GRM3: variants seen among roughly 807,000 people sequenced by gnomAD.
The protein encoded by GRM3 is glutamate metabotropic receptor 3, also known as metabotropic glutamate receptor 3.
Under a neutral mutation model 70.5 loss-of-function variants are expected in GRM3, and 26 were observed. The ratio of observed to expected loss-of-function variants is 0.37; its 90% confidence interval spans 0.27 to 0.51. GRM3 has a LOEUF of 0.51. Among genes scored for constraint, GRM3 ranks in the 20% least tolerant of loss-of-function variants. GRM3 has a pLI of 0.93. For missense variants in GRM3, 859 were observed against 1,123.8 expected, an observed-to-expected ratio of 0.76 and a Z score of 3.37; for synonymous variants, 443 against 434.9, an observed-to-expected ratio of 1.02 and a Z score of -0.23.
chr7:86,840,515 A>ATATGT (rs1217401954), intron 4 of GRM3, among the ~76,000 whole-genome samples: 6 of 152,126 alleles, frequency 3.9e-5, no homozygotes, highest in Non-Finnish European at 7.4e-5. Flanking sequence ...ATATCCAGGT[A>ATATGT]ACCTAATTAA....
chr7:86,774,638 C>T (rs531960251), intron 2 of GRM3, among the ~76,000 whole-genome samples: 141 of 152,102 alleles, frequency 9.3e-4, no homozygotes, highest in African/African-American at 3.2e-3. Context: ...GTCAGAATGG[C>T]AAAGCATCTT....
chr7:86,774,682 GT>G (rs1437406381), intron 2 of GRM3, among the ~76,000 whole-genome samples: 13 of 84,692 alleles, frequency 1.5e-4, no homozygotes, highest in African/African-American at 5.9e-4. Context: ...GGGTTGAATT[GT>G]CAGTGTGTTT....
Position 86,786,362 on chromosome 7 carries a change from C to G in GRM3, c.570C>G (p.Thr190=). The change falls in exon 3 of 6, where the codon ACC becomes ACG. Residue 190 remains threonine (T), a synonymous_variant. Coordinates refer to ENST00000361669, the MANE Select transcript of GRM3 (RefSeq NM_000840.3). This position sits in a 1 kb window ranked among gnomAD's most constrained non-coding sequence, Gnocchi z 6.0. ...DKSRYDYFAR[T]VPPDFYQAKA... Reference sequence around the variant, plus strand: ...CGCGCTATGATTACTTTGCCAGGACCGTGCCCCCCGACTTCTACCAGGCCA... The same window carrying G: ...CGCGCTATGATTACTTTGCCAGGACGGTGCCCCCCGACTTCTACCAGGCCA... The G allele has an allele frequency of 1.2e-6, 2 of 1,614,162 alleles. No homozygotes were observed. Among genetic ancestry groups the G allele is most frequent in the South Asian group, 2.2e-5 (2 of 91,084 alleles).
At chr7:86,698,399 G>A (rs1794874568) in intron 1 of GRM3, among the ~76,000 whole-genome samples, 1 of 151,692 alleles carries the variant, frequency 6.6e-6, no homozygotes, top group Admixed American at 6.6e-5. Flanking sequence ...ATGTTAATCT[G>A]ACTGGGCCAG....
At chr7:86,805,063 A>G (rs1041304464) in intron 3 of GRM3, among the ~76,000 whole-genome samples, 1 of 152,126 alleles carries the variant, frequency 6.6e-6, no homozygotes, top group African/African-American at 2.4e-5. Context: ...GCAATCAGCC[A>G]TGATCACACC....
At chr7:86,778,058 A>G (rs1796940634) in intron 2 of GRM3, among the ~76,000 whole-genome samples, 1 of 152,226 alleles carries the variant, frequency 6.6e-6, no homozygotes, top group African/African-American at 2.4e-5. Flanking sequence ...CATGTGTGAC[A>G]AAGCAATTAA....
chr7:86,850,682 A>C, intron 5 of GRM3, 138 bp downstream of exon 5: 1 of 669,912 alleles, frequency 1.5e-6, no homozygotes, highest in Non-Finnish European at 2.7e-6. Context: ...AAACACTGTG[A>C]GTCAGGTATT....
intron 1 of GRM3, among the ~76,000 whole-genome samples, chr7:86,705,744 A>T (rs1158794640): frequency 3.3e-5 from 5 of 152,072 alleles, no homozygotes; most frequent in Admixed American, 3.3e-4. Context: ...TCTAGTTTTT[A>T]TTCTTGGGCT....
At chr7:86,768,173 T>C (rs1263297119) in intron 2 of GRM3, among the ~76,000 whole-genome samples, 1 of 152,082 alleles carries the variant, frequency 6.6e-6, no homozygotes, top group Non-Finnish European at 1.5e-5. Flanking sequence ...CCTCAAAAAG[T>C]TGGAGAGAAG....
chr7:86,652,311 G>GTT (rs67196748), intron 1 of GRM3, among the ~76,000 whole-genome samples: 3 of 151,716 alleles, frequency 2.0e-5, no homozygotes, highest in East Asian at 1.9e-4. Context: ...ATTTTTGTTT[G>GTT]TTTTTTGTTT....
intron 1 of GRM3, among the ~76,000 whole-genome samples, chr7:86,688,009 C>T (rs1354403885): frequency 6.6e-6 from 1 of 151,404 alleles, no homozygotes; most frequent in African/African-American, 2.4e-5. Context: ...AGCAAGATAA[C>T]ATGTTTAAAA....
chr7:86,848,398 G>C (rs1300286964), intron 4 of GRM3, among the ~76,000 whole-genome samples: 1 of 152,104 alleles, frequency 6.6e-6, no homozygotes, highest in Non-Finnish European at 1.5e-5. Context: ...GTTCTTTGTG[G>C]CTAGATGACT....
At chr7:86,748,152 C>A (rs1422262818) in intron 1 of GRM3, among the ~76,000 whole-genome samples, 1 of 151,958 alleles carries the variant, frequency 6.6e-6, no homozygotes, top group East Asian at 1.9e-4. Flanking sequence ...TAATCTTTCA[C>A]CTTTTCACCA....
intron 1 of GRM3, among the ~76,000 whole-genome samples, chr7:86,702,268 C>T: frequency 6.6e-6 from 1 of 151,994 alleles, no homozygotes; most frequent in East Asian, 1.9e-4. Context: ...TACTCCTTGT[C>T]TGAGACATCA....
At chr7:86,811,090 G>A (rs1351015543) in intron 3 of GRM3, among the ~76,000 whole-genome samples, 1 of 151,820 alleles carries the variant, frequency 6.6e-6, no homozygotes. Context: ...CTCCATAAGA[G>A]AAACATCAGG....
chr7:86,786,915 A>G lies in GRM3; in HGVS notation c.1123A>G (p.Lys375Glu). 6.2e-7 allele frequency: 1 copy of G among 1,614,194 alleles called. No individual in the cohort carries two copies. Residue 375 changes from lysine (K) to glutamate (E), a missense_variant, in exon 3 of 6, where the codon AAG (lysine) becomes GAG (glutamate). Transcript: ENST00000361669. This position sits in a 1 kb window ranked among gnomAD's most constrained non-coding sequence, Gnocchi z 6.0. ...ACGCAACCACAGGCGCGTCTGCGACAAGCACCTGGCCATCGACAGCAGCAA... is the reference window on the plus strand; with the variant it reads ...ACGCAACCACAGGCGCGTCTGCGACGAGCACCTGGCCATCGACAGCAGCAA... ...NKRNHRRVCD[K>E]HLAIDSSNYE...
intron 1 of GRM3, among the ~76,000 whole-genome samples, chr7:86,754,426 T>C (rs927551418): frequency 4.6e-5 from 7 of 152,114 alleles, no homozygotes; most frequent in African/African-American, 1.7e-4. Flanking sequence ...GGTAAGAGAA[T>C]TGAGAATATG....
intron 2 of GRM3, among the ~76,000 whole-genome samples, chr7:86,782,093 A>C (rs924490959): frequency 2.6e-5 from 4 of 152,182 alleles, no homozygotes; most frequent in African/African-American, 9.6e-5. Context: ...TCTGTTAGCA[A>C]ACTTTGTTCT....
At chr7:86,765,950 C>T (rs1484550358) in intron 2 of GRM3, among the ~76,000 whole-genome samples, 2 of 152,130 alleles carry the variant, frequency 1.3e-5, no homozygotes, top group African/African-American at 4.8e-5. Flanking sequence ...CAGCTCTGCT[C>T]CAGGTTGTCT....
Sources: gnomAD v4.1 joint callset for allele counts (sites outside exome capture counted in the v4.1 genomes callset) on GRCh38, gnomAD v4.1.1 for gene constraint, Gnocchi (gnomAD v3.1) non-coding constraint, MANE v1.5 for transcripts, NCBI Gene and HGNC (gene_info 2026-07-23, HGNC 2026-07-21) for gene names.